Variants in FANCC observed in about 807,000 individuals in gnomAD.
The protein encoded by FANCC is FA complementation group C, also known as Fanconi anemia group C protein.
In FANCC, 55 loss-of-function variants were observed where a neutral mutation model predicts 71.3. The ratio of observed to expected loss-of-function variants is 0.77; its 90% confidence interval spans 0.62 to 0.97. FANCC has a LOEUF of 0.97. Ranked by LOEUF, FANCC falls within the 50% of genes least tolerant of loss-of-function variation. The pLI is 0.00. For missense variants in FANCC, 678 were observed against 670.9 expected, an observed-to-expected ratio of 1.01 and a Z score of -0.12; for synonymous variants, 275 against 244.9, an observed-to-expected ratio of 1.12 and a Z score of -1.15.
At chr9:95,293,677 T>A in intron 1 of FANCC, 1 of 1,614,082 alleles carries the variant, frequency 6.2e-7, no homozygotes. Flanking sequence ...ACTGATTTGT[T>A]GTTTGATTCT....
chr9:95,281,330 C>T (rs146359304), intron 1 of FANCC, among the ~76,000 whole-genome samples: 86 of 151,984 alleles, frequency 5.7e-4, no homozygotes, highest in African/African-American at 2.0e-3. Flanking sequence ...TAAGGGAGTA[C>T]TAATATGCCT....
intron 1 of FANCC, among the ~76,000 whole-genome samples, chr9:95,264,387 T>A (rs1038936560): frequency 6.6e-6 from 1 of 152,228 alleles, no homozygotes; most frequent in Non-Finnish European, 1.5e-5. Flanking sequence ...TGATTTTATG[T>A]TGATAGAAAC....
chr9:95,263,537 G>GAT (rs1202063295), intron 1 of FANCC, among the ~76,000 whole-genome samples: 7 of 145,834 alleles, frequency 4.8e-5, no homozygotes, highest in African/African-American at 1.8e-4. Context: ...TATAGATATA[G>GAT]ATAGATAGAT....
chr9:95,169,613 A>T (rs1588216106), intron 6 of FANCC, among the ~76,000 whole-genome samples: 2 of 152,226 alleles, frequency 1.3e-5, no homozygotes, highest in African/African-American at 2.4e-5. Flanking sequence ...CCAAGCTGCC[A>T]GACCTGGAAA....
chr9:95,108,983 G>A (rs1379888850), intron 13 of FANCC, among the ~76,000 whole-genome samples: 1 of 151,220 alleles, frequency 6.6e-6, no homozygotes, highest in Non-Finnish European at 1.5e-5. Flanking sequence ...TCTACTCACT[G>A]CAACCTCTGC....
Position 95,135,381 on chromosome 9 carries a change from T to C in FANCC, c.808A>G (p.Arg270Gly), listed in dbSNP as rs776054094. The change falls in exon 8 of 15, where the codon AGA becomes GGA. Residue 270 changes from arginine (R) to glycine (G), a missense_variant. By Grantham distance (125) the Arg-to-Gly change is moderately radical. Coordinates refer to ENST00000289081, the MANE Select transcript of FANCC (RefSeq NM_000136.3). The part of the protein sequence containing the change: ...KLISSERNCL[R>G]RIECFIKDSS... ...TCTTTTATAAAGCATTCGATCCTTC[T>C]CAGACAATTTCTCTCACTGGAGATT... 6.2e-7 allele frequency: 1 copy of C among 1,614,148 alleles called. No homozygotes were observed. The highest frequency in any genetic ancestry group is 2.2e-5 in the East Asian group (1 of 44,882).
chr9:95,285,544 C>G (rs1833640319), intron 1 of FANCC, among the ~76,000 whole-genome samples: 1 of 151,878 alleles, frequency 6.6e-6, no homozygotes. Flanking sequence ...AGAGTGAAAC[C>G]ACTTTTGACT....
At chr9:95,298,470 T>C (rs993416165) in intron 1 of FANCC, among the ~76,000 whole-genome samples, 1 of 152,058 alleles carries the variant, frequency 6.6e-6, no homozygotes, top group South Asian at 2.1e-4. Flanking sequence ...GACATAGATG[T>C]AGAAACATCA....
chr9:95,221,390 C>T (rs528179663), intron 4 of FANCC, among the ~76,000 whole-genome samples: 7 of 151,998 alleles, frequency 4.6e-5, no homozygotes, highest in African/African-American at 1.7e-4. Context: ...ACACATAAAA[C>T]TTTTGGAAGA....
rs984921628 is a variant in FANCC at position 95,102,844 on chromosome 9, T to C, written c.1534-994A>G. On this transcript the variant is annotated intron_variant, in intron 14 of 14. Transcript: ENST00000289081. ...GCAGAGCTAAGAGTAAACGACGTGG[T>C]GTGGACCATGACGTTCGCTCTCCTC... Among the ~76,000 whole-genome samples the C allele has an allele frequency of 5.3e-5, 8 of 152,158 alleles. No homozygotes were observed. In the East Asian group the frequency reaches 1.4e-3, roughly 26 times the overall value.
intron 1 of FANCC, among the ~76,000 whole-genome samples, chr9:95,275,065 A>T (rs1832956808): frequency 6.7e-6 from 1 of 150,070 alleles, no homozygotes; most frequent in Admixed American, 6.8e-5. Flanking sequence ...TGAACCCAGG[A>T]GTTTGACACC....
intron 1 of FANCC, among the ~76,000 whole-genome samples, chr9:95,285,385 T>C (rs952777647): frequency 6.6e-6 from 1 of 152,200 alleles, no homozygotes; most frequent in Non-Finnish European, 1.5e-5. Flanking sequence ...TATGTACTTT[T>C]TGTATATCAC....
At chr9:95,226,013 G>A (rs902887181) in intron 4 of FANCC, among the ~76,000 whole-genome samples, 1 of 152,096 alleles carries the variant, frequency 6.6e-6, no homozygotes, top group South Asian at 2.1e-4. Context: ...CTGAAAATGG[G>A]AATAACAGTA....
At chr9:95,287,569 T>C (rs1027485970) in intron 1 of FANCC, among the ~76,000 whole-genome samples, 2 of 152,186 alleles carry the variant, frequency 1.3e-5, no homozygotes, top group African/African-American at 4.8e-5. Flanking sequence ...CCACAGACAA[T>C]GTCTGCCTCT....
At chr9:95,114,808 C>A (rs948400744) in intron 11 of FANCC, 98 bp from the exon 12 acceptor site, 18 of 997,212 alleles carry the variant, frequency 1.8e-5, no homozygotes, top group African/African-American at 4.7e-5. Flanking sequence ...TTGGGAGACG[C>A]CCTTTACTTC....
Position 95,125,087 on chromosome 9 carries a change from T to C in FANCC, c.995A>G (p.Gln332Arg), listed in dbSNP as rs781746980. 2 of 1,613,370 alleles carry C rather than the reference T, an allele frequency of 1.2e-6. No homozygotes were observed. Among genetic ancestry groups the C allele is most frequent in the South Asian group, 2.2e-5 (2 of 91,064 alleles). ...FVEALEKASK[Q>R]LRFALKTYFP... is the part of the protein sequence containing the mutation. ...AGTAATATATGTGATATAACAAACC[T>C]GCTTGCTTGCTTTCTCCAGAGCTTC... The change falls in exon 10 of 15, where the codon CAG (glutamine) becomes CGG (arginine). Residue 332 changes from glutamine to arginine, a missense_variant and splice_region_variant. By Grantham distance (43) the Gln-to-Arg change is conservative. Coordinates refer to ENST00000289081, the MANE Select transcript of FANCC (RefSeq NM_000136.3).
At chr9:95,189,376 C>T (rs1034361192) in intron 4 of FANCC, among the ~76,000 whole-genome samples, 1 of 152,158 alleles carries the variant, frequency 6.6e-6, no homozygotes, top group African/African-American at 2.4e-5. Context: ...TTCACAGACC[C>T]TCCCAGCGCC....
chr9:95,203,531 TC>T (rs1347542941), intron 4 of FANCC, among the ~76,000 whole-genome samples: 1 of 152,148 alleles, frequency 6.6e-6, no homozygotes, highest in Non-Finnish European at 1.5e-5. Context: ...ACAGCAATAA[TC>T]CCAATTGTAT....
In FANCC at chr9:95,107,825, G is replaced by T. The variant is rs75110104; in HGVS notation, c.1330-556C>A. 6.8e-3 allele frequency among the ~76,000 whole-genome samples: 1,038 copies of T among 152,188 alleles called. 10 individuals carry two copies. The highest frequency in any genetic ancestry group is 0.024 in the African/African-American group (983 of 41,504). The stretch of plus-strand genomic sequence containing the variant: ...AAGAACACATTTGTTTTAGATGCCG[G>T]AACAATCTGTTCATACGTGTTTAAT... On this transcript the variant is annotated intron_variant, in intron 13 of 14. Coordinates refer to ENST00000289081, the MANE Select transcript of FANCC (RefSeq NM_000136.3).
Sources: gnomAD v4.1 joint callset for allele counts (sites outside exome capture counted in the v4.1 genomes callset) on GRCh38, gnomAD v4.1.1 for gene constraint, MANE v1.5 for transcripts, NCBI Gene and HGNC (gene_info 2026-07-23, HGNC 2026-07-21) for gene names.